CACNA1C: variants seen among roughly 807,000 people sequenced by gnomAD.
The protein encoded by CACNA1C is calcium voltage-gated channel subunit alpha1 C.
A neutral mutation model predicts 229.0 loss-of-function variants in CACNA1C; 30 were observed. The observed-to-expected ratio is 0.13, with a 90% CI of 0.10 to 0.18. The LOEUF (loss-of-function observed/expected upper bound fraction) is 0.18, where lower values mean the gene tolerates loss of function less well. Ranked by LOEUF, CACNA1C falls within the 10% of genes least tolerant of loss-of-function variation. The pLI is 1.00. For synonymous variants in CACNA1C, 1,114 were observed against 1,132.5 expected (o/e 0.98, Z 0.33); for missense variants, 1,658 against 2,845.0 (o/e 0.58, Z 9.49).
chr12:2,050,544 G>C (rs539494799), upstream of CACNA1C, among the ~76,000 whole-genome samples: 2 of 152,298 alleles, frequency 1.3e-5, no homozygotes, highest in South Asian at 4.2e-4. Context: ...CAAATTATCA[G>C]CTACAGCAGC....
intron 1 of CACNA1C, among the ~76,000 whole-genome samples, chr12:2,055,202 C>T (rs187325878): frequency 1.3e-5 from 2 of 152,318 alleles, no homozygotes; most frequent in East Asian, 1.9e-4. Flanking sequence ...TCCCCTCTCC[C>T]TTCTGTAGCT....
intron 3 of CACNA1C, among the ~76,000 whole-genome samples, chr12:2,304,591 A>C (rs1402877666): frequency 2.0e-5 from 3 of 152,112 alleles, no homozygotes; most frequent in Non-Finnish European, 4.4e-5. Context: ...ACCTGGCCCC[A>C]GGGCAGGCAG....
intron 3 of CACNA1C, among the ~76,000 whole-genome samples, chr12:2,237,243 A>C (rs2067771964): frequency 1.3e-5 from 2 of 152,346 alleles, no homozygotes; most frequent in African/African-American, 4.8e-5. Context: ...AGCAAAAAGC[A>C]ACCTGTTATC....
Position 2,606,680 on chromosome 12 carries a change from G to C in CACNA1C, c.3209+17G>C. On this transcript the variant is annotated intron_variant, in intron 25 of 46. Coordinates refer to ENST00000399655, the MANE Select transcript of CACNA1C (RefSeq NM_000719.7). ...GGAATGCAAGTGAGTAGAGGTGGGA[G>C]GGCAGCCAGGGCCACGGCCGGTCAG... 6.2e-7 allele frequency: 1 copy of C among 1,603,782 alleles called. No homozygotes were observed. The highest frequency in any genetic ancestry group is 8.5e-7 in the Non-Finnish European group (1 of 1,174,572).
At chr12:2,036,813 T>G (rs928130429) in intron 1 of CACNA1C, among the ~76,000 whole-genome samples, 2 of 152,174 alleles carry the variant, frequency 1.3e-5, no homozygotes, top group Non-Finnish European at 2.9e-5. Context: ...GGTTATACCT[T>G]AAGTCATTAT....
At chr12:2,187,980 C>T (rs1331616468) in intron 3 of CACNA1C, among the ~76,000 whole-genome samples, 1 of 152,236 alleles carries the variant, frequency 6.6e-6, no homozygotes, top group Non-Finnish European at 1.5e-5. Flanking sequence ...TGGGAGCTGC[C>T]TTTCCCCGAA....
intron 3 of CACNA1C, among the ~76,000 whole-genome samples, chr12:2,268,258 C>G (rs1300235825): frequency 6.6e-6 from 1 of 151,946 alleles, no homozygotes; most frequent in African/African-American, 2.4e-5. Context: ...GGGGTGGGGT[C>G]GACAGCCAGA....
intron 18 of CACNA1C, among the ~76,000 whole-genome samples, chr12:2,589,284 A>T (rs1300726777): frequency 6.6e-6 from 1 of 152,254 alleles, no homozygotes; most frequent in Non-Finnish European, 1.5e-5. Flanking sequence ...ACATGATGTG[A>T]AGATAGTAAA....
Position 2,608,840 on chromosome 12 carries a change from A to C in CACNA1C, c.3558+128A>C, listed in dbSNP as rs1022508162. On this transcript the variant is annotated intron_variant, in intron 27 of 46. Transcript: ENST00000399655. This position sits in a 1 kb window ranked among gnomAD's most constrained non-coding sequence, Gnocchi z 4.2. ...TACTGAGATCGTCTCTCTATTCCTC[A>C]ACCAGAGTGGGCTGTCAGTCTTTTT... 9 of 877,844 alleles carry C rather than the reference A, an allele frequency of 1.0e-5. No individual in the cohort carries two copies. In the African/African-American group the frequency reaches 1.2e-4, roughly 11 times the overall value. The allele number at this position is 877,844 out of a possible 1,614,324, so 54.4% of individuals were successfully genotyped here. A position where few individuals can be genotyped will look rare whatever the true frequency, so the allele number is the denominator to read the frequency against.
chr12:2,324,795 G>C (rs2096212582), intron 3 of CACNA1C, among the ~76,000 whole-genome samples: 1 of 152,154 alleles, frequency 6.6e-6, no homozygotes, highest in African/African-American at 2.4e-5. Context: ...GGGGCACAGA[G>C]CTGGGCCTCT....
chr12:2,384,916 G>A (rs1324938545), intron 3 of CACNA1C, among the ~76,000 whole-genome samples: 2 of 152,316 alleles, frequency 1.3e-5, no homozygotes, highest in African/African-American at 4.8e-5. Context: ...GTACGTCTCT[G>A]TCCCATTCGG....
chr12:2,294,852 A>T (rs1287117428), intron 3 of CACNA1C, among the ~76,000 whole-genome samples: 1 of 152,172 alleles, frequency 6.6e-6, no homozygotes, highest in Non-Finnish European at 1.5e-5. Context: ...TAGGTGGGGC[A>T]GGGTGGTCTC....
chr12:2,641,761 T>C (rs931047994), intron 30 of CACNA1C: 31 of 702,412 alleles, frequency 4.4e-5, no homozygotes, highest in Non-Finnish European at 7.5e-5. Flanking sequence ...GTATCTCAGG[T>C]GAGCCTTTAG....
At chr12:2,063,588 G>A (rs1565455638) in intron 1 of CACNA1C, among the ~76,000 whole-genome samples, 1 of 152,210 alleles carries the variant, frequency 6.6e-6, no homozygotes, top group Non-Finnish European at 1.5e-5. Context: ...GTGAAATTAG[G>A]GAGCTGGCTG....
At chr12:2,106,999 T>C (rs1202908319) in intron 1 of CACNA1C, among the ~76,000 whole-genome samples, 1 of 108,642 alleles carries the variant, frequency 9.2e-6, no homozygotes, top group African/African-American at 3.2e-5. Context: ...TGGGGTGTCC[T>C]GAAGCCACTG....
At chr12:2,083,199 C>T (rs1264333002) in intron 1 of CACNA1C, among the ~76,000 whole-genome samples, 1 of 152,202 alleles carries the variant, frequency 6.6e-6, no homozygotes, top group African/African-American at 2.4e-5. Flanking sequence ...AAAGGGATTC[C>T]TGATTTAAAC....
intron 3 of CACNA1C, among the ~76,000 whole-genome samples, chr12:2,440,410 GCA>G (rs2099210354): frequency 6.6e-6 from 1 of 152,232 alleles, no homozygotes; most frequent in South Asian, 2.1e-4. Flanking sequence ...CTTTTGCTTA[GCA>G]CAGTGTTTTC....
At chr12:2,223,944 T>C (rs990893633) in intron 3 of CACNA1C, among the ~76,000 whole-genome samples, 1 of 152,230 alleles carries the variant, frequency 6.6e-6, no homozygotes, top group African/African-American at 2.4e-5. Flanking sequence ...AATCAGATTA[T>C]GATGCATCTC....
At chr12:2,570,707 G>A (rs1484140054) in intron 13 of CACNA1C, among the ~76,000 whole-genome samples, 1 of 152,176 alleles carries the variant, frequency 6.6e-6, no homozygotes. Context: ...CACATGAAGA[G>A]ATTAAAGGAA....
Sources: allele counts gnomAD v4.1 joint callset (sites outside exome capture counted in the v4.1 genomes callset), GRCh38; gene constraint gnomAD v4.1.1; non-coding constraint Gnocchi (gnomAD v3.1); transcripts MANE v1.5; gene names NCBI Gene and HGNC (gene_info 2026-07-23, HGNC 2026-07-21).